The following WDR20 variants were observed in gnomAD, a reference collection of about 807,000 sequenced individuals.
WDR20 encodes WD repeat-containing protein 20.
Under a neutral mutation model 38.7 loss-of-function variants are expected in WDR20, and 3 were observed. The ratio of observed to expected loss-of-function variants is 0.08; its 90% CI spans 0.04 to 0.20. The LOEUF is 0.20. Ranked by LOEUF, WDR20 falls within the 10% of genes least tolerant of loss-of-function variation. The pLI, the probability that WDR20 is intolerant of heterozygous loss-of-function variation, is 1.00. For synonymous variants in WDR20, 298 were observed against 285.6 expected (o/e 1.04, Z -0.44); for missense variants, 559 against 727.7 (o/e 0.77, Z 2.67).
At chr14:102,214,654 T>C (rs541225201), downstream of WDR20, 9 of 984,324 alleles carry the variant, frequency 9.1e-6, no homozygotes, top group African/African-American at 3.5e-5. Flanking sequence ...CTGTATAAAA[T>C]TGTATGGATA....
chr14:102,202,776 C>G (rs1017505422), intron 2 of WDR20, among the ~76,000 whole-genome samples: 4 of 152,100 alleles, frequency 2.6e-5, no homozygotes, highest in Admixed American at 1.3e-4. Flanking sequence ...CAGGGTCTCA[C>G]TGTGTCACCC....
chr14:102,151,173 ATTTTTTTTTT>A (rs534503694), intron 1 of WDR20, among the ~76,000 whole-genome samples: 2,467 of 111,568 alleles, frequency 0.022, 56 homozygotes, highest in South Asian at 0.12. Context: ...CCATTGGGGA[ATTTTTTTTTT>A]TTTTTTTTTT....
downstream of WDR20, chr14:102,212,936 T>TG (rs1256420802): frequency 3.1e-5 from 33 of 1,060,870 alleles, no homozygotes; most frequent in Non-Finnish European, 3.0e-5. Flanking sequence ...TCAGCATCAC[T>TG]GTTCCAGCGT....
At chr14:102,212,471 C>A, downstream of WDR20, 1 of 1,531,638 alleles carries the variant, frequency 6.5e-7, no homozygotes, top group South Asian at 1.2e-5. Context: ...AGGGCGACAC[C>A]ACTCTGTGTC....
At chr14:102,198,710 G>A (rs2059820258) in intron 2 of WDR20, among the ~76,000 whole-genome samples, 1 of 152,212 alleles carries the variant, frequency 6.6e-6, no homozygotes, top group South Asian at 2.1e-4. Flanking sequence ...TTAGAAGGGA[G>A]CAGGTGCACA....
rs1310648530 is a variant in WDR20 at position 102,222,519 on chromosome 14, G to T, written c.1693-311G>T. 6.6e-6 allele frequency among the ~76,000 whole-genome samples: 1 copy of T among 152,198 alleles called. No homozygotes were observed. Among genetic ancestry groups the T allele is most frequent in the South Asian group, 2.1e-4 (1 of 4,832 alleles). ...GCACCTGCACCTTTGGGTCAGCAAA[G>T]CTCCAAAGAACCTGTTCTCAGGTGC... is the stretch of plus-strand genomic sequence containing the variant. On this transcript the variant is annotated intron_variant, in intron 3 of 3. Transcript: ENST00000335263. The surrounding 1 kb of genome is among the most constrained non-coding windows in gnomAD (Gnocchi z 4.4).
Position 102,208,583 on chromosome 14 carries a change from G to A in WDR20, c.433-20G>A, listed in dbSNP as rs1047108205. 1 of 1,579,222 alleles carries A rather than the reference G, an allele frequency of 6.3e-7. No homozygotes were observed. ...TGAGACTTCTCCGTTGTGCTAACTT[G>A]TTCTCCTTTGTCTTCACAGAGACTA... On this transcript the variant is annotated intron_variant, in intron 2 of 2. Coordinates refer to ENST00000342702, the MANE Select transcript of WDR20 (RefSeq NM_144574.4). The surrounding 1 kb of genome is among the most constrained non-coding windows in gnomAD (Gnocchi z 5.6).
chr14:102,140,236 G>A (rs577752905), intron 1 of WDR20, 64 bp downstream of exon 1: 2 of 1,591,982 alleles, frequency 1.3e-6, no homozygotes, highest in African/African-American at 2.7e-5. Context: ...GCAGGGCGGT[G>A]ACAGTGGGGC....
At chr14:102,213,431 G>T (rs891412636), downstream of WDR20, 1 of 985,344 alleles carries the variant, frequency 1.0e-6, no homozygotes, top group Admixed American at 6.1e-5. Flanking sequence ...GTTTGGAAGT[G>T]TTTTCCTGTG....
rs929131930 is a variant in WDR20, at chr14:102,179,974, G to A, written c.250-14964G>A. Among the ~76,000 whole-genome samples, 5 of 152,226 alleles carry A rather than the reference G, an allele frequency of 3.3e-5. No homozygotes were observed. In the South Asian group the frequency reaches 8.3e-4, roughly 25 times the overall value. Reference sequence around the variant, plus strand: ...TCAAGACCAGCCTGACCAACATGGTGAAACCCTGTCTCTACTAAAAATACA... The same window carrying A: ...TCAAGACCAGCCTGACCAACATGGTAAAACCCTGTCTCTACTAAAAATACA... On this transcript the variant is annotated intron_variant, in intron 1 of 2. Coordinates refer to ENST00000342702, the MANE Select transcript of WDR20 (RefSeq NM_144574.4).
At chr14:102,155,154 C>T (rs1197873651) in intron 1 of WDR20, among the ~76,000 whole-genome samples, 1 of 152,110 alleles carries the variant, frequency 6.6e-6, no homozygotes, top group Non-Finnish European at 1.5e-5. Context: ...CTCTCAGAGC[C>T]TCGGGTTTCA....
Position 102,153,618 on chromosome 14 carries a change from A to G in WDR20, c.249+13446A>G, listed in dbSNP as rs117198556. On this transcript the variant is annotated intron_variant, in intron 1 of 2. Transcript: ENST00000342702. Reference sequence around the variant, plus strand: ...ACCGCGCCCGGCCACCTCTTTCTTTATAAATTACCCAGTCTCAGGTATTTC... The same window carrying G: ...ACCGCGCCCGGCCACCTCTTTCTTTGTAAATTACCCAGTCTCAGGTATTTC... 2.3e-3 allele frequency among the ~76,000 whole-genome samples: 353 copies of G among 152,168 alleles called. 12 individuals are homozygous for G. In the East Asian group the frequency reaches 0.056, roughly 24 times the overall value.
chr14:102,168,056 C>T (rs1466281453), intron 1 of WDR20, among the ~76,000 whole-genome samples: 1 of 152,208 alleles, frequency 6.6e-6, no homozygotes, highest in Non-Finnish European at 1.5e-5. Flanking sequence ...ATTTAAAGAA[C>T]AGCAGGTGGT....
At chr14:102,170,327 A>G (rs1361667110) in intron 1 of WDR20, among the ~76,000 whole-genome samples, 3 of 152,230 alleles carry the variant, frequency 2.0e-5, no homozygotes, top group Admixed American at 6.5e-5. Flanking sequence ...TGTTGCTAGT[A>G]TATCTGAGGA....
intron 1 of WDR20, among the ~76,000 whole-genome samples, chr14:102,148,669 TTGTGTGTGTGTGTGTGTG>T (rs10525828): frequency 3.5e-5 from 5 of 144,836 alleles, no homozygotes; most frequent in South Asian, 2.2e-4. Flanking sequence ...GAGTTTGGCT[TTGTGTGTGTGTGTGTGTG>T]TGTGTGTGTG....
At chr14:102,174,226 T>A (rs907033468) in intron 1 of WDR20, among the ~76,000 whole-genome samples, 3 of 152,148 alleles carry the variant, frequency 2.0e-5, no homozygotes, top group African/African-American at 7.2e-5. Context: ...GTCTTTTTCA[T>A]GTAATGACTT....
chr14:102,210,380 T>C lies in WDR20; in HGVS notation c.*500T>C, dbSNP rs1280862368. 6 of 985,608 alleles carry C rather than the reference T, an allele frequency of 6.1e-6. No individual in the cohort carries two copies. The highest frequency in any genetic ancestry group is 1.7e-5 in the African/African-American group (1 of 57,256). 61.1% of individuals were successfully genotyped at this position (985,608 alleles called of 1,614,324 possible). A position where few individuals can be genotyped will look rare whatever the true frequency, so the allele number is the denominator to read the frequency against. On this transcript the variant is annotated 3_prime_UTR_variant, in exon 3 of 3. Transcript: ENST00000342702. ...TTTAGGAATCTATGAAATTTAACTT[T>C]AGGAACAAAACGTTTAGCAGGGTTG...
chr14:102,209,462 G>T lies in WDR20; in HGVS notation c.1292G>T (p.Arg431Leu). The T allele has an allele frequency of 1.9e-6, 3 of 1,614,136 alleles. No homozygotes were observed. Among genetic ancestry groups the T allele is most frequent in the South Asian group, 1.1e-5 (1 of 91,084 alleles). The stretch of plus-strand genomic sequence containing the variant: ...AACTCTGTGCCGCCTCCTCTGCCAC[G>T]GTCCAACAGCCTTCCACATTCAGCA... ...PGNSVPPPLP[R>L]SNSLPHSAVS... Residue 431 changes from arginine (R) to leucine (L), a missense_variant, in exon 3 of 3, where the codon CGG (arginine) becomes CTG (leucine). Transcript: ENST00000342702. This position sits in a 1 kb window ranked among gnomAD's most constrained non-coding sequence, Gnocchi z 6.0.
rs542963570 is a variant in WDR20, at chr14:102,183,854, A to G, written c.250-11084A>G. ...CCAAAGGTTAGAACAACAACAGTGT[A>G]GTAGTTAGGCAGCACACAGGAATTA... On this transcript the variant is annotated intron_variant, in intron 1 of 2. Coordinates refer to ENST00000342702, the MANE Select transcript of WDR20 (RefSeq NM_144574.4). Among the ~76,000 whole-genome samples, 49 of 152,376 alleles carry G rather than the reference A, an allele frequency of 3.2e-4. No individual in the cohort carries two copies. The South Asian group carries it at 9.5e-3, about 30-fold the overall frequency.
Sources: allele counts gnomAD v4.1 joint callset (sites outside exome capture counted in the v4.1 genomes callset), GRCh38; gene constraint gnomAD v4.1.1; non-coding constraint Gnocchi (gnomAD v3.1); transcripts MANE v1.5; gene names NCBI Gene and HGNC (gene_info 2026-07-23, HGNC 2026-07-21).